CWF19L2: variants seen among roughly 807,000 people sequenced by gnomAD.
CWF19L2 encodes the protein CWF19 like cell cycle control factor 2, also known as CWF19-like protein 2.
A neutral mutation model predicts 111.7 loss-of-function variants in CWF19L2; 98 were observed. The observed-to-expected ratio is 0.88, with a 90% CI of 0.75 to 1.04. The LOEUF (loss-of-function observed/expected upper bound fraction) is 1.04, where lower values mean the gene tolerates loss of function less well. Ranked by LOEUF, CWF19L2 falls within the 50% of genes least tolerant of loss-of-function variation. The pLI, the probability that CWF19L2 is intolerant of heterozygous loss-of-function variation, is 0.00. For synonymous variants in CWF19L2, 351 were observed against 342.9 expected, an observed-to-expected ratio of 1.02 and a Z score of -0.26; for missense variants, 1,101 against 1,051.4, an observed-to-expected ratio of 1.05 and a Z score of -0.65.
Position 107,399,525 on chromosome 11 carries a change from C to T in CWF19L2, c.1618-6630G>A, listed in dbSNP as rs1860971046. ...GGCCTTGTCCAACAGGAAAATATCA[C>T]AATCCTAAACATATATGTGCCTAAC... On this transcript the variant is annotated intron_variant, in intron 10 of 17. Coordinates refer to ENST00000282251, the MANE Select transcript of CWF19L2 (RefSeq NM_152434.3). Among the ~76,000 whole-genome samples, 3 of 152,136 alleles carry T rather than the reference C, an allele frequency of 2.0e-5. 1 individual carries two copies. The South Asian group carries it at 6.2e-4, about 31-fold the overall frequency.
chr11:107,336,670 A>G lies in CWF19L2; in HGVS notation c.2246T>C (p.Leu749Ser). 27 of 1,565,104 alleles carry G rather than the reference A, an allele frequency of 1.7e-5. No homozygotes were observed. The highest frequency in any genetic ancestry group is 2.4e-5 in the Non-Finnish European group (27 of 1,148,788). Reference sequence around the variant, plus strand: ...ATTAGTTTCCAAAAAAATGCAGTCTAATCCTTTATCTTCAAACATCTTTAC... The same window carrying G: ...ATTAGTTTCCAAAAAAATGCAGTCTGATCCTTTATCTTCAAACATCTTTAC... Reference protein sequence around the residue: ...SLVKMFEDKGLDCIFLETNMS... With the variant: ...SLVKMFEDKGSDCIFLETNMS... The change falls in exon 15 of 18, where the codon TTA becomes TCA. Residue 749 changes from leucine to serine, a missense_variant. Transcript: ENST00000282251.
At chr11:107,343,602 A>ATT (rs145117348) in intron 14 of CWF19L2, among the ~76,000 whole-genome samples, 6 of 150,486 alleles carry the variant, frequency 4.0e-5, no homozygotes, top group Middle Eastern at 3.4e-3. Flanking sequence ...TTCTATTTTT[A>ATT]TTTTTTTTGT....
chr11:107,380,181 CATT>C (rs1860663972), intron 12 of CWF19L2, among the ~76,000 whole-genome samples: 1 of 150,872 alleles, frequency 6.6e-6, no homozygotes, highest in African/African-American at 2.4e-5. Flanking sequence ...ATAAGTGCTG[CATT>C]ATTACACAAG....
At chr11:107,428,344 A>T (rs1459724362) in intron 8 of CWF19L2, among the ~76,000 whole-genome samples, 1 of 152,100 alleles carries the variant, frequency 6.6e-6, no homozygotes, top group East Asian at 1.9e-4. Flanking sequence ...GATCTCTGGC[A>T]TGTATTTGTC....
rs1861620520 is a variant in CWF19L2, at chr11:107,441,625, G to GT, written c.451-4dup. On this transcript the variant is annotated splice_polypyrimidine_tract_variant and splice_region_variant and intron_variant, in intron 4 of 17. Coordinates refer to ENST00000282251, the MANE Select transcript of CWF19L2 (RefSeq NM_152434.3). ...TCAACAGTCATCCACTCATCCCTCT[G>GT]TTAAAAAAAAAGACATAAAATCAAC... is the stretch of plus-strand genomic sequence containing the variant. The GT allele has an allele frequency of 6.6e-6, 10 of 1,512,464 alleles. No individual in the cohort carries two copies. The highest frequency in any genetic ancestry group is 1.4e-5 in the African/African-American group (1 of 70,290). 93.7% of individuals were successfully genotyped at this position (1,512,464 alleles called of 1,614,324 possible).
chr11:107,396,684 T>C (rs1045488872), intron 10 of CWF19L2, among the ~76,000 whole-genome samples: 3 of 152,284 alleles, frequency 2.0e-5, no homozygotes, highest in African/African-American at 4.8e-5. Context: ...CAAGACTAGA[T>C]TGTAGCTCTG....
intron 14 of CWF19L2, among the ~76,000 whole-genome samples, chr11:107,340,238 T>C (rs1332421549): frequency 6.6e-6 from 1 of 152,198 alleles, no homozygotes; most frequent in Non-Finnish European, 1.5e-5. Context: ...GACAATTTTA[T>C]CTTGTTTTTC....
At position 107,353,647 on chromosome 11, in the gene CWF19L2, T is replaced by C. The variant is rs769649553; in HGVS notation, c.1962A>G (p.Glu654=). ...AAERERLGEE[E]ENQRKKAIAE... The stretch of plus-strand genomic sequence containing the variant: ...CAATAGCTTTTTTCCTTTGGTTCTC[T>C]TCCTCTTCACCAAGACGTTCTCTCT... The change falls in exon 13 of 18, where the codon GAA becomes GAG. Residue 654 remains glutamate (E), a synonymous_variant. Transcript: ENST00000282251. The C allele has an allele frequency of 1.9e-6, 3 of 1,613,858 alleles. No homozygotes were observed. Among genetic ancestry groups the C allele is most frequent in the South Asian group, 2.2e-5 (2 of 91,076 alleles).
chr11:107,454,387 A>C, intron 3 of CWF19L2, 63 bp downstream of exon 3: 1 of 1,209,272 alleles, frequency 8.3e-7, no homozygotes. Context: ...ACTTCCCATA[A>C]GTTACACATT....
At chr11:107,427,543 G>A (rs913713845) in intron 8 of CWF19L2, among the ~76,000 whole-genome samples, 6 of 151,948 alleles carry the variant, frequency 3.9e-5, no homozygotes, top group African/African-American at 9.7e-5. Flanking sequence ...AATACTAATC[G>A]TGTGGTATTA....
chr11:107,328,034 G>T (rs1859788315), intron 17 of CWF19L2, among the ~76,000 whole-genome samples: 1 of 150,338 alleles, frequency 6.7e-6, no homozygotes, highest in African/African-American at 2.4e-5. Flanking sequence ...TCTTCAGACA[G>T]AATAGAATCT....
chr11:107,449,058 G>GA (rs1460961874), intron 3 of CWF19L2, among the ~76,000 whole-genome samples: 4 of 130,940 alleles, frequency 3.1e-5, no homozygotes, highest in Admixed American at 2.5e-4. Flanking sequence ...TACATACAGA[G>GA]AAAAAATATT....
At chr11:107,439,035 G>GAAAA (rs375132996) in intron 6 of CWF19L2, 55 bp downstream of exon 6, 19,693 of 279,966 alleles carry the variant, frequency 0.07, 79 homozygotes, top group South Asian at 0.079. Context: ...ACTCTGTCTC[G>GAAAA]AAAAAAAAAA....
chr11:107,328,565 G>A (rs1376404281), intron 17 of CWF19L2, among the ~76,000 whole-genome samples: 4 of 152,254 alleles, frequency 2.6e-5, no homozygotes, highest in African/African-American at 7.2e-5. Context: ...GCTCAGTGAC[G>A]CAATGCTGAC....
intron 12 of CWF19L2, among the ~76,000 whole-genome samples, chr11:107,362,930 A>C (rs1431829977): frequency 6.6e-6 from 1 of 151,962 alleles, no homozygotes; most frequent in Non-Finnish European, 1.5e-5. Flanking sequence ...TTTGAAAAAA[A>C]TTTAGCAGAA....
chr11:107,329,905 T>C lies in CWF19L2; in HGVS notation c.2541+13A>G, dbSNP rs746460266. 40 of 1,529,910 alleles carry C rather than the reference T, an allele frequency of 2.6e-5. No individual in the cohort carries two copies. The highest frequency in any genetic ancestry group is 3.4e-4 in the Middle Eastern group (2 of 5,852). 94.8% of individuals were successfully genotyped at this position (1,529,910 alleles called of 1,614,324 possible). A position where few individuals can be genotyped will look rare whatever the true frequency, so the allele number is the denominator to read the frequency against. On this transcript the variant is annotated intron_variant, in intron 17 of 17. Coordinates refer to ENST00000282251, the MANE Select transcript of CWF19L2 (RefSeq NM_152434.3). The stretch of plus-strand genomic sequence containing the variant: ...TTGCTAACTCTGGGATTTTATCAAA[T>C]TTGTAAGCCTACCTTTCCAAAGTAA...
At chr11:107,354,062 C>CT (rs1203053576) in intron 12 of CWF19L2, among the ~76,000 whole-genome samples, 1 of 150,628 alleles carries the variant, frequency 6.6e-6, no homozygotes, top group African/African-American at 2.4e-5. Context: ...TAAATTGTAA[C>CT]TTTAAAAATT....
chr11:107,403,755 C>A, intron 10 of CWF19L2: 1 of 904,552 alleles, frequency 1.1e-6, no homozygotes, highest in South Asian at 1.3e-5. Context: ...CCGGTCTGTT[C>A]CTCTGCCTGT....
chr11:107,404,571 A>C, intron 10 of CWF19L2: 1 of 638,202 alleles, frequency 1.6e-6, no homozygotes, highest in South Asian at 1.6e-5. Flanking sequence ...GGTGGGGCAT[A>C]AGATGGTCTT....
Sources: gnomAD v4.1 joint callset for allele counts (sites outside exome capture counted in the v4.1 genomes callset) on GRCh38, gnomAD v4.1.1 for gene constraint, MANE v1.5 for transcripts, NCBI Gene and HGNC (gene_info 2026-07-23, HGNC 2026-07-21) for gene names.